The following PLPP3 variants were observed in gnomAD, a reference collection of about 807,000 sequenced individuals.
The protein encoded by PLPP3 is PAP2 beta.
PLPP3 carries 6 observed loss-of-function variants against 29.6 expected under a neutral mutation model. The observed-to-expected ratio is 0.20, with a 90% CI of 0.11 to 0.40. The LOEUF is 0.40. Ranked by LOEUF, PLPP3 falls within the 10% of genes least tolerant of loss-of-function variation. PLPP3 has a pLI of 1.00. For missense variants in PLPP3, 308 were observed against 407.7 expected, an observed-to-expected ratio of 0.76 and a Z score of 2.11; for synonymous variants, 152 against 159.7, an observed-to-expected ratio of 0.95 and a Z score of 0.36.
rs367986937 is a variant in PLPP3 at position 56,524,260 on chromosome 1, C to T, written c.575+17G>A. On this transcript the variant is annotated intron_variant, in intron 3 of 5. Coordinates refer to ENST00000371250, the MANE Select transcript of PLPP3 (RefSeq NM_003713.5). The surrounding 1 kb of genome is among the most constrained non-coding windows in gnomAD (Gnocchi z 4.3). Reference sequence around the variant, plus strand: ...GAAAGGGGTCCAGGCTCTGGCCATGCGGAGGTGGTGTCTCACCTGGCTTCC... The same window carrying T: ...GAAAGGGGTCCAGGCTCTGGCCATGTGGAGGTGGTGTCTCACCTGGCTTCC... The T allele has an allele frequency of 6.6e-5, 107 of 1,612,136 alleles. No homozygotes were observed. The highest frequency in any genetic ancestry group is 6.1e-4 in the African/African-American group (46 of 74,968).
intron 2 of PLPP3, among the ~76,000 whole-genome samples, chr1:56,531,950 A>G (rs1459178048): frequency 6.6e-6 from 1 of 152,180 alleles, no homozygotes; most frequent in Non-Finnish European, 1.5e-5. Flanking sequence ...CCCCTCACAG[A>G]AAGTATTTCT....
intron 5 of PLPP3, among the ~76,000 whole-genome samples, chr1:56,503,511 A>T (rs1645681381): frequency 6.6e-6 from 1 of 152,118 alleles, no homozygotes; most frequent in Admixed American, 6.5e-5. Context: ...CAACATGGAG[A>T]AACCCTGTCT....
intron 4 of PLPP3, among the ~76,000 whole-genome samples, chr1:56,521,565 C>G (rs992397456): frequency 6.6e-6 from 1 of 152,012 alleles, no homozygotes; most frequent in South Asian, 2.1e-4. Flanking sequence ...TAAGGAGGCT[C>G]TCCTTCTTTT....
At chr1:56,499,894 G>T (rs932701856) in intron 5 of PLPP3, among the ~76,000 whole-genome samples, 1 of 152,022 alleles carries the variant, frequency 6.6e-6, no homozygotes, top group Non-Finnish European at 1.5e-5. Flanking sequence ...GGCTGGGAAG[G>T]GTCTATACAA....
intron 1 of PLPP3, among the ~76,000 whole-genome samples, chr1:56,547,322 A>C (rs762518180): frequency 2.6e-4 from 40 of 152,294 alleles, no homozygotes; most frequent in Non-Finnish European, 5.0e-4. Flanking sequence ...CATAGGAAAC[A>C]AACCAAAATC....
chr1:56,537,319 G>C (rs934899704), intron 1 of PLPP3, among the ~76,000 whole-genome samples: 1 of 152,040 alleles, frequency 6.6e-6, no homozygotes, highest in South Asian at 2.1e-4. Flanking sequence ...CCCCCATGAG[G>C]AGAGAGGCAT....
At chr1:56,520,631 A>G (rs147055617) in intron 4 of PLPP3, among the ~76,000 whole-genome samples, 9,895 of 120,868 alleles carry the variant, frequency 0.082, 431 homozygotes, top group Non-Finnish European at 0.12. Context: ...TGGGAGGCTG[A>G]GGTGGGTGGT....
rs903294118 is a variant in PLPP3, at chr1:56,499,277, T to C, written c.811-2601A>G. On this transcript the variant is annotated intron_variant, in intron 5 of 5. Coordinates refer to ENST00000371250, the MANE Select transcript of PLPP3 (RefSeq NM_003713.5). The stretch of plus-strand genomic sequence containing the variant: ...AACCTGTGACTGTTACATAGTTCAA[T>C]AGAAGGCATTCCGTTCTCTAATGAT... Among the ~76,000 whole-genome samples the C allele has an allele frequency of 2.6e-5, 4 of 152,186 alleles. No homozygotes were observed. The East Asian group carries it at 5.8e-4, about 22-fold the overall frequency.
intron 1 of PLPP3, among the ~76,000 whole-genome samples, chr1:56,550,191 C>T (rs1646028727): frequency 6.6e-6 from 1 of 152,196 alleles, no homozygotes; most frequent in African/African-American, 2.4e-5. Context: ...CTGGGACCAT[C>T]CTCAGTTGCT....
At chr1:56,519,859 T>G (rs1645807409) in intron 4 of PLPP3, among the ~76,000 whole-genome samples, 2 of 152,084 alleles carry the variant, frequency 1.3e-5, no homozygotes, top group Admixed American at 1.3e-4. Flanking sequence ...TCCAAGCTCA[T>G]CATTTGGCAA....
intron 1 of PLPP3, 136 bp downstream of exon 1, chr1:56,578,742 T>A: frequency 2.1e-6 from 2 of 972,120 alleles, no homozygotes; most frequent in Non-Finnish European, 2.6e-6. Flanking sequence ...GCGCAAAGGC[T>A]CCCCAGGAAG....
At chr1:56,550,863 C>G (rs996750579) in intron 1 of PLPP3, among the ~76,000 whole-genome samples, 1 of 152,110 alleles carries the variant, frequency 6.6e-6, no homozygotes, top group African/African-American at 2.4e-5. Flanking sequence ...TCAGCTTCCA[C>G]GACAGCTCCC....
At chr1:56,540,404 G>A (rs1000515704) in intron 1 of PLPP3, among the ~76,000 whole-genome samples, 3 of 151,944 alleles carry the variant, frequency 2.0e-5, no homozygotes, top group African/African-American at 7.3e-5. Flanking sequence ...ATAGAGTCCG[G>A]GACACACTGT....
In PLPP3 at chr1:56,495,751, G is replaced by C. The variant is rs1037826921; in HGVS notation, c.*800C>G. 6.6e-6 allele frequency: 1 copy of C among 152,644 alleles called. No individual in the cohort carries two copies. The highest frequency in any genetic ancestry group is 2.4e-5 in the African/African-American group (1 of 41,462). The allele number at this position is 152,644 out of a possible 1,614,324, so 9.5% of individuals were successfully genotyped here. On this transcript the variant is annotated 3_prime_UTR_variant, in exon 6 of 6. Coordinates refer to ENST00000371250, the MANE Select transcript of PLPP3 (RefSeq NM_003713.5). Reference sequence around the variant, plus strand: ...AAGGGAGAAGGCAGTAACCGAAGTCGAACTGTTTCTAAGAGTATGCAAGTG... The same window carrying C: ...AAGGGAGAAGGCAGTAACCGAAGTCCAACTGTTTCTAAGAGTATGCAAGTG...
intron 1 of PLPP3, among the ~76,000 whole-genome samples, chr1:56,550,659 C>T (rs2100282311): frequency 6.6e-6 from 1 of 152,242 alleles, no homozygotes; most frequent in African/African-American, 2.4e-5. Context: ...ACCCAGCCCA[C>T]CTGACCCCTC....
At chr1:56,548,101 T>C (rs1646017223) in intron 1 of PLPP3, among the ~76,000 whole-genome samples, 1 of 152,210 alleles carries the variant, frequency 6.6e-6, no homozygotes, top group African/African-American at 2.4e-5. Flanking sequence ...GACAGGGCCG[T>C]GTCAGCTCAG....
intron 1 of PLPP3, among the ~76,000 whole-genome samples, chr1:56,544,702 A>G (rs1645993839): frequency 6.6e-6 from 1 of 152,220 alleles, no homozygotes; most frequent in South Asian, 2.1e-4. Flanking sequence ...TCATTCAGAG[A>G]TGGGACCAGT....
chr1:56,576,660 G>A (rs186394598), intron 1 of PLPP3, among the ~76,000 whole-genome samples: 27 of 152,294 alleles, frequency 1.8e-4, no homozygotes, highest in Middle Eastern at 3.4e-3. Flanking sequence ...ACATGGTCCT[G>A]ACGCCTTATT....
Position 56,495,761 on chromosome 1 carries a change from T to C in PLPP3, c.*790A>G, listed in dbSNP as rs1228006900. On this transcript the variant is annotated 3_prime_UTR_variant, in exon 6 of 6. Coordinates refer to ENST00000371250, the MANE Select transcript of PLPP3 (RefSeq NM_003713.5). The stretch of plus-strand genomic sequence containing the variant: ...GCAGTAACCGAAGTCGAACTGTTTC[T>C]AAGAGTATGCAAGTGCCCGGTGATT... 1 of 152,674 alleles carries C rather than the reference T, an allele frequency of 6.5e-6. No individual in the cohort carries two copies. Among genetic ancestry groups the C allele is most frequent in the Non-Finnish European group, 1.5e-5 (1 of 68,052 alleles). 9.5% of individuals were successfully genotyped at this position (152,674 alleles called of 1,614,324 possible). A position where few individuals can be genotyped will look rare whatever the true frequency, so the allele number is the denominator to read the frequency against.
Sources: gnomAD v4.1 joint callset for allele counts (sites outside exome capture counted in the v4.1 genomes callset) on GRCh38, gnomAD v4.1.1 for gene constraint, Gnocchi (gnomAD v3.1) non-coding constraint, MANE v1.5 for transcripts, NCBI Gene and HGNC (gene_info 2026-07-23, HGNC 2026-07-21) for gene names.